PCDHA5: variants seen among roughly 807,000 people sequenced by gnomAD.
PCDHA5 encodes the protein protocadherin alpha 5.
A neutral mutation model predicts 61.6 loss-of-function variants in PCDHA5; 43 were observed. The ratio of observed to expected loss-of-function variants is 0.70; its 90% CI spans 0.55 to 0.90. The LOEUF (loss-of-function observed/expected upper bound fraction) is 0.90, where lower values mean the gene tolerates loss of function less well. PCDHA5 is among the 40% of genes least tolerant of loss of function. The pLI is 0.00. For missense variants in PCDHA5, 1,298 were observed against 1,222.7 expected (o/e 1.06, Z -0.92); for synonymous variants, 627 against 543.9 (o/e 1.15, Z -2.13).
At chr5:140,875,723 T>G in intron 1 of PCDHA5, 1 of 1,614,194 alleles carries the variant, frequency 6.2e-7, no homozygotes, top group South Asian at 1.1e-5. Context: ...AATGGCATTT[T>G]GTTTGTGAAT....
At chr5:140,856,229 C>G (rs17844338) in intron 1 of PCDHA5, 1 of 1,597,934 alleles carries the variant, frequency 6.3e-7, no homozygotes, top group South Asian at 1.1e-5. Context: ...GCTGGTGCAG[C>G]GCCTGTTCCG....
intron 1 of PCDHA5, chr5:140,863,034 A>T (rs782534693): frequency 1.8e-6 from 1 of 557,814 alleles, no homozygotes; most frequent in Non-Finnish European, 3.5e-6. Flanking sequence ...CAACAGCTGC[A>T]TCTGTCAGCT....
chr5:140,850,984 T>G (rs2150504982), intron 1 of PCDHA5: 15 of 1,451,674 alleles, frequency 1.0e-5, no homozygotes, highest in Non-Finnish European at 1.3e-5. Flanking sequence ...GTTTTATTCA[T>G]TTTTCTAGAA....
At chr5:140,963,237 G>A (rs782735845) in intron 1 of PCDHA5, among the ~76,000 whole-genome samples, 50 of 152,136 alleles carry the variant, frequency 3.3e-4, no homozygotes, top group Non-Finnish European at 6.2e-4. Flanking sequence ...CTGTTTGATG[G>A]ATTAGGTAGG....
chr5:140,878,084 T>C (rs782330226), intron 1 of PCDHA5: 82 of 330,796 alleles, frequency 2.5e-4, no homozygotes, highest in Admixed American at 2.3e-4. Flanking sequence ...TATAATATTT[T>C]ATATGACTGA....
chr5:140,986,656 C>T (rs141575317), intron 3 of PCDHA5, among the ~76,000 whole-genome samples: 2 of 152,290 alleles, frequency 1.3e-5, no homozygotes, highest in East Asian at 1.9e-4. Context: ...GTGGGAGATG[C>T]TCACAGTTTT....
chr5:141,008,300 C>G (rs1272725012), intron 3 of PCDHA5, among the ~76,000 whole-genome samples: 3 of 152,162 alleles, frequency 2.0e-5, no homozygotes, highest in African/African-American at 7.2e-5. Context: ...GTACCCAACC[C>G]TAAACTGTAA....
intron 1 of PCDHA5, chr5:140,867,745 A>G (rs1342140044): frequency 6.6e-6 from 1 of 152,108 alleles, no homozygotes. Flanking sequence ...CAAGCAAGTT[A>G]CAACTTCAGG....
chr5:141,004,591 A>G (rs1277305361), intron 3 of PCDHA5, among the ~76,000 whole-genome samples: 3 of 152,222 alleles, frequency 2.0e-5, no homozygotes, highest in Non-Finnish European at 2.9e-5. Context: ...TCTCCAGATG[A>G]CAGTGCTTAG....
rs1767209062 is a variant in PCDHA5, at chr5:140,822,146, A to G, written c.371A>G (p.Asp124Gly). The G allele has an allele frequency of 6.2e-7, 1 of 1,614,260 alleles. No individual in the cohort carries two copies. The highest frequency in any genetic ancestry group is 8.5e-7 in the Non-Finnish European group (1 of 1,180,048). The change falls in exon 1 of 4, where the codon GAC (aspartate) becomes GGC (glycine). Residue 124 changes from aspartate (D) to glycine (G), a missense_variant. Transcript: ENST00000529859. ...TTCCATGTGGAGGTGGCAGTGAAGG[A>G]CATCAATGACAATCCGCCCAGGTTC... ...QVFHVEVAVK[D>G]INDNPPRFSR...
intron 1 of PCDHA5, among the ~76,000 whole-genome samples, chr5:140,855,406 C>T (rs2043455181): frequency 6.7e-6 from 1 of 149,796 alleles, no homozygotes; most frequent in Non-Finnish European, 1.5e-5. Context: ...GATGTTGAAG[C>T]TAATGATCTC....
At chr5:140,829,537 G>A (rs782695954) in intron 1 of PCDHA5, 1 of 1,613,080 alleles carries the variant, frequency 6.2e-7, no homozygotes, top group Non-Finnish European at 8.5e-7. Context: ...CGCGAGACGC[G>A]GACGCGCAGG....
intron 1 of PCDHA5, chr5:140,930,059 A>G (rs1486359495): frequency 6.6e-6 from 1 of 152,200 alleles, no homozygotes; most frequent in Non-Finnish European, 1.5e-5. Flanking sequence ...TTGCTTACAC[A>G]AAAACTGTAA....
intron 1 of PCDHA5, among the ~76,000 whole-genome samples, chr5:140,952,338 CAAAAA>C (rs55931446): frequency 7.4e-5 from 10 of 135,008 alleles, no homozygotes; most frequent in Admixed American, 1.5e-4. Context: ...AACTCCATCT[CAAAAA>C]AAAAAAAAAA....
chr5:140,836,283 A>C, intron 1 of PCDHA5: 1 of 1,613,716 alleles, frequency 6.2e-7, no homozygotes, highest in Non-Finnish European at 8.5e-7. Context: ...GATCAGCACG[A>C]CACGAGCCCT....
In PCDHA5 at chr5:140,927,607, C is replaced by G. The variant is rs558609705; in HGVS notation, c.2353-51342C>G. On this transcript the variant is annotated intron_variant, in intron 1 of 3. Transcript: ENST00000529859. ...GCCTGTATTTGAGCGCTCCGTATACCGCACCAAGGTTCCAGAGACTGCACC... is the reference window on the plus strand; with the variant it reads ...GCCTGTATTTGAGCGCTCCGTATACGGCACCAAGGTTCCAGAGACTGCACC... 1.5e-5 allele frequency: 24 copies of G among 1,614,180 alleles called. 1 individual carries two copies. In the South Asian group the frequency reaches 2.6e-4, roughly 18 times the overall value.
chr5:140,860,028 C>A (rs2046140974), intron 1 of PCDHA5: 1 of 151,914 alleles, frequency 6.6e-6, no homozygotes, highest in South Asian at 2.1e-4. Context: ...GTGGCTCACA[C>A]CTGTAATCCC....
chr5:140,856,318 C>G (rs200204071), intron 1 of PCDHA5: 2 of 1,598,576 alleles, frequency 1.3e-6, no homozygotes, highest in East Asian at 4.5e-5. Context: ...CTCGGATTGA[C>G]CGCGAGGAGC....
At chr5:141,006,423 C>T (rs1554260738) in intron 3 of PCDHA5, among the ~76,000 whole-genome samples, 1 of 152,060 alleles carries the variant, frequency 6.6e-6, no homozygotes, top group African/African-American at 2.4e-5. Context: ...CTGTGTTAGC[C>T]AGGATGGTCT....
Sources: gnomAD v4.1 joint callset for allele counts (sites outside exome capture counted in the v4.1 genomes callset) on GRCh38, gnomAD v4.1.1 for gene constraint, MANE v1.5 for transcripts, NCBI Gene and HGNC (gene_info 2026-07-23, HGNC 2026-07-21) for gene names.